Variants in PCDHA9 observed in about 807,000 individuals in gnomAD.
PCDHA9 encodes the protein protocadherin alpha-9.
Under a neutral mutation model 62.0 loss-of-function variants are expected in PCDHA9, and 62 were observed. That is an observed-to-expected ratio of 1.00 (90% confidence interval 0.81 to 1.23). PCDHA9 has a LOEUF of 1.23. Among genes scored for constraint, PCDHA9 ranks in the 50% most tolerant of loss-of-function variants. The pLI, the probability that PCDHA9 is intolerant of heterozygous loss-of-function variation, is 0.00. For synonymous variants in PCDHA9, 557 were observed against 567.6 expected (o/e 0.98, Z 0.27); for missense variants, 1,205 against 1,249.8 (o/e 0.96, Z 0.54).
At chr5:140,992,587 A>C (rs1393295001) in intron 3 of PCDHA9, among the ~76,000 whole-genome samples, 2 of 152,186 alleles carry the variant, frequency 1.3e-5, no homozygotes, top group African/African-American at 2.4e-5. Context: ...CCTTGTATGC[A>C]TCTAGCGTCT....
At chr5:140,984,634 C>G (rs540344154) in intron 3 of PCDHA9, among the ~76,000 whole-genome samples, 4 of 152,298 alleles carry the variant, frequency 2.6e-5, no homozygotes, top group African/African-American at 9.6e-5. Context: ...AAGGGATTCT[C>G]TGCCTTCTCC....
At chr5:140,890,693 G>C (rs980920550) in intron 1 of PCDHA9, among the ~76,000 whole-genome samples, 7 of 151,828 alleles carry the variant, frequency 4.6e-5, no homozygotes, top group Non-Finnish European at 8.8e-5. Flanking sequence ...GGAAATGCAG[G>C]GACCTTACAT....
chr5:140,969,700 A>G (rs2096354004), intron 1 of PCDHA9, among the ~76,000 whole-genome samples: 1 of 152,178 alleles, frequency 6.6e-6, no homozygotes. Context: ...CCTCTGCTGT[A>G]TCATCTACAG....
chr5:140,990,198 C>T (rs954813003), intron 3 of PCDHA9, among the ~76,000 whole-genome samples: 5 of 151,968 alleles, frequency 3.3e-5, no homozygotes, highest in South Asian at 2.1e-4. Context: ...AATGTGGACC[C>T]GAAAGAGAAC....
chr5:140,893,294 T>C (rs539821362), intron 1 of PCDHA9, among the ~76,000 whole-genome samples: 97 of 152,304 alleles, frequency 6.4e-4, no homozygotes, highest in African/African-American at 2.3e-3. Flanking sequence ...ATATGGTAGT[T>C]CTATTTGTAG....
At chr5:140,935,894 CTT>C (rs55841305) in intron 1 of PCDHA9, among the ~76,000 whole-genome samples, 8 of 136,706 alleles carry the variant, frequency 5.9e-5, no homozygotes, top group Non-Finnish European at 3.1e-5. Context: ...TCAATATTAT[CTT>C]TTTTTTTTTT....
rs1208078689 is a variant in PCDHA9 at position 140,849,668 on chromosome 5, C to T, written c.1173C>T (p.Pro391=). ...GGCAGGTTACCTGCTCCCTGACGCC[C>T]CACGTCCCCTTCAAGCTGGTGTCCA... The part of the protein sequence containing the change: ...ANGQVTCSLT[P]HVPFKLVSTY... The change falls in exon 1 of 4, where the codon CCC becomes CCT. Residue 391 remains proline, a synonymous_variant. Transcript: ENST00000532602. 6.3e-7 allele frequency: 1 copy of T among 1,598,736 alleles called. No homozygotes were observed. The highest frequency in any genetic ancestry group is 8.6e-7 in the Non-Finnish European group (1 of 1,168,030).
chr5:140,946,224 C>T (rs1450090999), intron 1 of PCDHA9, among the ~76,000 whole-genome samples: 1 of 151,786 alleles, frequency 6.6e-6, no homozygotes, highest in Non-Finnish European at 1.5e-5. Context: ...AACAGGTATA[C>T]TAAAAAATGC....
At chr5:140,993,337 G>A (rs2097550534) in intron 3 of PCDHA9, among the ~76,000 whole-genome samples, 1 of 151,924 alleles carries the variant, frequency 6.6e-6, no homozygotes, top group African/African-American at 2.4e-5. Context: ...GTGATTTGAA[G>A]GGCACTACGA....
At chr5:140,904,270 G>A (rs374052783) in intron 1 of PCDHA9, among the ~76,000 whole-genome samples, 3 of 152,068 alleles carry the variant, frequency 2.0e-5, no homozygotes, top group East Asian at 3.9e-4. Context: ...ACTTATGAAT[G>A]AGAACATGTG....
chr5:140,898,674 C>G (rs1174441906), intron 1 of PCDHA9, among the ~76,000 whole-genome samples: 1 of 152,160 alleles, frequency 6.6e-6, no homozygotes, highest in Non-Finnish European at 1.5e-5. Context: ...GTGTTGCGGG[C>G]TGTTTTTTGG....
intron 3 of PCDHA9, among the ~76,000 whole-genome samples, chr5:141,000,558 G>C (rs1462892656): frequency 6.7e-6 from 1 of 149,136 alleles, no homozygotes; most frequent in African/African-American, 2.5e-5. Context: ...CTCCCGAGTA[G>C]CTGGGATTAC....
chr5:140,980,981 A>G (rs1255751936), intron 2 of PCDHA9, among the ~76,000 whole-genome samples: 1 of 152,188 alleles, frequency 6.6e-6, no homozygotes, highest in Non-Finnish European at 1.5e-5. Context: ...GACTGAGCCC[A>G]CACAATTTGC....
chr5:140,973,406 T>C (rs1205127002), intron 1 of PCDHA9, among the ~76,000 whole-genome samples: 1 of 152,240 alleles, frequency 6.6e-6, no homozygotes, highest in Non-Finnish European at 1.5e-5. Flanking sequence ...ATCTATGAGC[T>C]TCCACTCCAG....
chr5:140,967,707 C>G, intron 1 of PCDHA9: 1 of 1,614,158 alleles, frequency 6.2e-7, no homozygotes, highest in Non-Finnish European at 8.5e-7. Flanking sequence ...GATGCCAGTA[C>G]CGGGGAAGTG....
At chr5:141,003,486 T>C (rs1563677160) in intron 3 of PCDHA9, among the ~76,000 whole-genome samples, 2 of 152,054 alleles carry the variant, frequency 1.3e-5, no homozygotes. Flanking sequence ...CTAATTTTTA[T>C]AGTTTTAGTA....
chr5:140,986,385 T>C (rs1554247992), intron 3 of PCDHA9, among the ~76,000 whole-genome samples: 2 of 152,134 alleles, frequency 1.3e-5, no homozygotes, highest in Non-Finnish European at 1.5e-5. Context: ...GGAGGGACAT[T>C]AAAGGGCCAG....
intron 1 of PCDHA9, chr5:140,881,443 G>A: frequency 1.2e-6 from 1 of 818,722 alleles, no homozygotes; most frequent in Non-Finnish European, 1.5e-6. Context: ...TATAAAAACA[G>A]AATCCAAAAC....
rs371212960 is a variant in PCDHA9 at position 140,891,914 on chromosome 5, C to T, written c.2394+41025C>T. ...GCAGCAAGAAGATCTTCACCAGATG[C>T]TGGTGCCTTGATCTTGGACTTCCCC... On this transcript the variant is annotated intron_variant, in intron 1 of 3. Transcript: ENST00000532602. Among the ~76,000 whole-genome samples the T allele has an allele frequency of 2.6e-3, 395 of 152,328 alleles. 2 individuals carry two copies. The highest frequency in any genetic ancestry group is 9.2e-3 in the African/African-American group (384 of 41,572).
Sources: allele counts gnomAD v4.1 joint callset (sites outside exome capture counted in the v4.1 genomes callset), GRCh38; gene constraint gnomAD v4.1.1; transcripts MANE v1.5; gene names NCBI Gene and HGNC (gene_info 2026-07-23, HGNC 2026-07-21).